The following DDX60L variants were observed in gnomAD, a reference collection of about 807,000 sequenced individuals.
DDX60L encodes the protein probable ATP-dependent RNA helicase DDX60-like.
In DDX60L, 191 loss-of-function variants were observed where a neutral mutation model predicts 211.6. The observed-to-expected ratio is 0.90, with a 90% confidence interval of 0.80 to 1.02. The LOEUF (loss-of-function observed/expected upper bound fraction) is 1.02, where lower values mean the gene tolerates loss of function less well. Among genes scored for constraint, DDX60L ranks in the 50% least tolerant of loss-of-function variants. The pLI is 0.00. For missense variants in DDX60L, 2,007 were observed against 1,984.1 expected, an observed-to-expected ratio of 1.01 and a Z score of -0.22; for synonymous variants, 706 against 694.1, an observed-to-expected ratio of 1.02 and a Z score of -0.27.
chr4:168,384,196 T>A (rs2149693435), intron 30 of DDX60L, among the ~76,000 whole-genome samples: 1 of 152,316 alleles, frequency 6.6e-6, no homozygotes, highest in Admixed American at 6.5e-5. Context: ...TAATAAACTC[T>A]TCTTTATACA....
chr4:168,357,098 C>A lies in DDX60L; in HGVS notation c.*1049G>T, dbSNP rs533471755. 6.6e-6 allele frequency: 1 copy of A among 152,040 alleles called. No individual in the cohort carries two copies. Among genetic ancestry groups the A allele is most frequent in the Non-Finnish European group, 1.5e-5 (1 of 67,998 alleles). The allele number at this position is 152,040 out of a possible 1,614,324, so 9.4% of individuals were successfully genotyped here. A position where few individuals can be genotyped will look rare whatever the true frequency, so the allele number is the denominator to read the frequency against. On this transcript the variant is annotated 3_prime_UTR_variant, in exon 38 of 38. Transcript: ENST00000682922. ...TGTTTTTTAAGTATGATACTGAGGG[C>A]AGAAACAATCTGAATTCCATATTCG...
chr4:168,450,177 C>T (rs1012052646), intron 8 of DDX60L, among the ~76,000 whole-genome samples: 2 of 152,116 alleles, frequency 1.3e-5, no homozygotes, highest in African/African-American at 4.8e-5. Context: ...GGGGATAAAA[C>T]CACTATTGTA....
chr4:168,401,541 T>C (rs1361424864), intron 25 of DDX60L, among the ~76,000 whole-genome samples: 2 of 152,268 alleles, frequency 1.3e-5, no homozygotes, highest in Admixed American at 6.5e-5. Context: ...TCACAGGCCA[T>C]GGTCACTCAT....
intron 31 of DDX60L, 104 bp from the exon 32 acceptor site, chr4:168,379,608 TA>T: frequency 8.4e-7 from 1 of 1,195,724 alleles, no homozygotes; most frequent in Non-Finnish European, 1.2e-6. Context: ...CATTTATTAA[TA>T]AATGATAAGT....
chr4:168,413,655 G>A (rs1052552314), intron 22 of DDX60L, among the ~76,000 whole-genome samples: 3 of 151,732 alleles, frequency 2.0e-5, no homozygotes, highest in Non-Finnish European at 2.9e-5. Context: ...TGAGCCTGAA[G>A]AAAGGCTATT....
At chr4:168,362,137 T>C (rs1739221511) in intron 36 of DDX60L, among the ~76,000 whole-genome samples, 1 of 152,208 alleles carries the variant, frequency 6.6e-6, no homozygotes, top group Non-Finnish European at 1.5e-5. Context: ...ATGCCAAGCC[T>C]GGCAGCCAGG....
At chr4:168,437,432 A>G (rs1035514156) in intron 10 of DDX60L, among the ~76,000 whole-genome samples, 1 of 152,164 alleles carries the variant, frequency 6.6e-6, no homozygotes, top group African/African-American at 2.4e-5. Flanking sequence ...CCAGAAGCTG[A>G]GAGAGAGGCA....
intron 10 of DDX60L, among the ~76,000 whole-genome samples, chr4:168,435,802 G>T (rs946887508): frequency 6.6e-6 from 1 of 151,922 alleles, no homozygotes; most frequent in African/African-American, 2.4e-5. Context: ...TTCATATTAC[G>T]CTGCTCGGAT....
chr4:168,377,038 C>A (rs1431955254), intron 33 of DDX60L, among the ~76,000 whole-genome samples: 1 of 152,096 alleles, frequency 6.6e-6, no homozygotes, highest in Non-Finnish European at 1.5e-5. Context: ...TGCCTGTAAT[C>A]CCACCACTTT....
intron 7 of DDX60L, among the ~76,000 whole-genome samples, chr4:168,455,752 T>G (rs1756475180): frequency 6.6e-6 from 1 of 152,174 alleles, no homozygotes; most frequent in African/African-American, 2.4e-5. Flanking sequence ...AAATAACTAC[T>G]AAGTGAAACA....
intron 31 of DDX60L, 60 bp downstream of exon 31, chr4:168,379,666 A>G: frequency 1.4e-6 from 2 of 1,394,716 alleles, no homozygotes; most frequent in Non-Finnish European, 2.0e-6. Flanking sequence ...TTGGTTTAGC[A>G]TAGAAAGAAG....
intron 36 of DDX60L, among the ~76,000 whole-genome samples, chr4:168,364,875 C>T (rs1299972592): frequency 6.6e-6 from 1 of 151,758 alleles, no homozygotes; most frequent in Non-Finnish European, 1.5e-5. Context: ...ACAAGAAATG[C>T]TCTGGAAAAT....
At chr4:168,388,661 A>C (rs2149711615) in intron 29 of DDX60L, among the ~76,000 whole-genome samples, 1 of 152,346 alleles carries the variant, frequency 6.6e-6, no homozygotes, top group East Asian at 1.9e-4. Context: ...TATGGCAAAG[A>C]GTTAAGCCTA....
At position 168,406,718 on chromosome 4, in the gene DDX60L, C is replaced by G; in HGVS notation, c.2980-12G>C. ...CCATACTTTTCAATCTGTGAATAAA[C>G]AAATTAATGGATGGATGAAGAAATA... is the stretch of plus-strand genomic sequence containing the variant. On this transcript the variant is annotated splice_polypyrimidine_tract_variant and intron_variant, in intron 22 of 37. Transcript: ENST00000682922. 1 of 1,491,250 alleles carries G rather than the reference C, an allele frequency of 6.7e-7. No individual in the cohort carries two copies. Among genetic ancestry groups the G allele is most frequent in the South Asian group, 1.2e-5 (1 of 80,832 alleles). The allele number at this position is 1,491,250 out of a possible 1,614,324, so 92.4% of individuals were successfully genotyped here.
At chr4:168,457,648 T>A (rs1263295684) in intron 6 of DDX60L, among the ~76,000 whole-genome samples, 1 of 152,150 alleles carries the variant, frequency 6.6e-6, no homozygotes, top group Non-Finnish European at 1.5e-5. Context: ...AGTACTACAA[T>A]TTTCTAGTTT....
At chr4:168,417,495 C>T (rs533088467) in intron 19 of DDX60L, among the ~76,000 whole-genome samples, 4 of 152,326 alleles carry the variant, frequency 2.6e-5, no homozygotes, top group South Asian at 4.1e-4. Context: ...GCCTCAGAAA[C>T]ACCTTCCCTG....
intron 5 of DDX60L, among the ~76,000 whole-genome samples, chr4:168,460,450 G>A (rs1757172925): frequency 6.6e-6 from 1 of 152,076 alleles, no homozygotes; most frequent in Admixed American, 6.5e-5. Flanking sequence ...ATGCAACACA[G>A]GAACCTCTAA....
chr4:168,364,821 A>T (rs531322997), intron 36 of DDX60L, among the ~76,000 whole-genome samples: 1 of 152,360 alleles, frequency 6.6e-6, no homozygotes, highest in South Asian at 2.1e-4. Context: ...AGATCATATC[A>T]AGTAACTTTT....
rs1747605690 is a variant in DDX60L at position 168,405,567 on chromosome 4, C to T, written c.3213+383G>A. 2.0e-5 allele frequency among the ~76,000 whole-genome samples: 3 copies of T among 152,260 alleles called. No individual in the cohort carries two copies. The Middle Eastern group carries it at 0.01, about 518-fold the overall frequency. ...TTTAAATAATTTATTTTTATTTGCA[C>T]AAAACTTTCTTAGATTAGCCCCTGT... On this transcript the variant is annotated intron_variant, in intron 24 of 37. Coordinates refer to ENST00000682922, the MANE Select transcript of DDX60L (RefSeq NM_001012967.3).
Sources: allele counts gnomAD v4.1 joint callset (sites outside exome capture counted in the v4.1 genomes callset), GRCh38; gene constraint gnomAD v4.1.1; transcripts MANE v1.5; gene names NCBI Gene and HGNC (gene_info 2026-07-23, HGNC 2026-07-21).